DRC3: variants seen among roughly 807,000 people sequenced by gnomAD.
DRC3 encodes dynein regulatory complex subunit 3.
A neutral mutation model predicts 57.6 loss-of-function variants in DRC3; 45 were observed. That is an observed-to-expected ratio of 0.78 (90% confidence interval 0.62 to 1.00). The LOEUF (loss-of-function observed/expected upper bound fraction) is 1.00. DRC3 is among the 50% of genes least tolerant of loss of function. The pLI is 0.00. For missense variants in DRC3, 655 were observed against 675.2 expected (o/e 0.97, Z 0.33); for synonymous variants, 257 against 272.3 (o/e 0.94, Z 0.55).
chr17:17,994,246 G>C lies in DRC3; in HGVS notation c.592-53G>C, dbSNP rs956707988. 5.2e-6 allele frequency: 8 copies of C among 1,540,188 alleles called. No individual in the cohort carries two copies. In the African/African-American group the frequency reaches 6.9e-5, roughly 13 times the overall value. ...ATGGCAGAGGCGGCATGGCAGAGGC[G>C]GTGTGGCTCGGAGGAACCTCTGGTA... On this transcript the variant is annotated intron_variant, in intron 6 of 13. Transcript: ENST00000399187.
intron 2 of DRC3, among the ~76,000 whole-genome samples, chr17:17,975,574 A>G (rs2042348739): frequency 6.7e-6 from 1 of 149,790 alleles, no homozygotes; most frequent in Non-Finnish European, 1.5e-5. Flanking sequence ...AATATAACAC[A>G]TTAAAATTCC....
chr17:18,016,847 G>A lies in DRC3; in HGVS notation c.*176G>A. 1 of 475,226 alleles carries A rather than the reference G, an allele frequency of 2.1e-6. No individual in the cohort carries two copies. The allele number at this position is 475,226 out of a possible 1,614,324, so 29.4% of individuals were successfully genotyped here. ...ACTTCCAAAAGTAGAGAAAATAAAGGACTCATTTCACATTTCCCCTACTCA... is the reference window on the plus strand; with the variant it reads ...ACTTCCAAAAGTAGAGAAAATAAAGAACTCATTTCACATTTCCCCTACTCA... On this transcript the variant is annotated 3_prime_UTR_variant, in exon 14 of 14. Transcript: ENST00000399187.
intron 4 of DRC3, among the ~76,000 whole-genome samples, chr17:17,987,609 C>T (rs1347167841): frequency 6.6e-6 from 1 of 152,162 alleles, no homozygotes; most frequent in African/African-American, 2.4e-5. Flanking sequence ...TACCCCGACC[C>T]CCAAGGGCAC....
At chr17:18,007,382 T>C in intron 12 of DRC3, 1 of 1,551,320 alleles carries the variant, frequency 6.4e-7, no homozygotes, top group Non-Finnish European at 8.7e-7. Context: ...ATTAGATGGT[T>C]TCAACTTTCC....
At chr17:17,979,153 A>T (rs896741906) in intron 3 of DRC3, among the ~76,000 whole-genome samples, 2 of 152,192 alleles carry the variant, frequency 1.3e-5, no homozygotes, top group Non-Finnish European at 2.9e-5. Flanking sequence ...GTGCAGATCC[A>T]CCAGGGAAAG....
Position 17,988,023 on chromosome 17 carries a change from G to C in DRC3, c.369G>C (p.Lys123Asn), listed in dbSNP as rs763028039. ...DLSLFNNRIS[K>N]IDSLDALVKL... The stretch of plus-strand genomic sequence containing the variant: ...GCTTGTTCAACAACCGGATCTCCAA[G>C]ATCGACTCCCTGGACGCCCTCGTCA... Residue 123 changes from lysine (K) to asparagine (N), a missense_variant, in exon 5 of 14, where the codon AAG becomes AAC. Physicochemically the swap from Lys to Asn is moderately conservative, Grantham distance 94. Coordinates refer to ENST00000399187, the MANE Select transcript of DRC3 (RefSeq NM_031294.4). 8.7e-6 allele frequency: 14 copies of C among 1,614,050 alleles called. No individual in the cohort carries two copies. The African/African-American group carries it at 1.3e-4, about 15-fold the overall frequency.
intron 9 of DRC3, among the ~76,000 whole-genome samples, chr17:18,003,118 A>AGAT (rs1157113744): frequency 6.6e-6 from 1 of 152,156 alleles, no homozygotes; most frequent in Middle Eastern, 3.2e-3. Context: ...GTGACAAGGC[A>AGAT]GATGAGCGTT....
intron 5 of DRC3, chr17:17,988,636 T>G (rs1245930712): frequency 2.0e-5 from 3 of 153,196 alleles, no homozygotes; most frequent in African/African-American, 7.2e-5. Flanking sequence ...TGTCGTCCTG[T>G]GTCAGAGGCG....
chr17:18,006,475 C>G (rs1443362534), intron 11 of DRC3: 3 of 578,310 alleles, frequency 5.2e-6, no homozygotes, highest in Non-Finnish European at 9.3e-6. Context: ...GAGTGATGTT[C>G]ACTAGGAAAT....
At chr17:18,000,738 C>T (rs1016161920) in intron 9 of DRC3, among the ~76,000 whole-genome samples, 3 of 152,156 alleles carry the variant, frequency 2.0e-5, no homozygotes, top group African/African-American at 7.2e-5. Flanking sequence ...CCAATCTGTG[C>T]ACCCTGAGTA....
At chr17:17,977,450 C>T (rs1366939150) in intron 2 of DRC3, 132 bp from the exon 3 acceptor site, 1 of 1,077,898 alleles carries the variant, frequency 9.3e-7, no homozygotes, top group Non-Finnish European at 1.4e-6. Flanking sequence ...ATGCAGCAGA[C>T]CCAGGGCTGG....
intron 12 of DRC3, 63 bp downstream of exon 12, chr17:18,007,210 T>C: frequency 2.5e-4 from 3 of 11,862 alleles, no homozygotes; most frequent in Non-Finnish European, 3.8e-4. Flanking sequence ...GTGGCTGGAC[T>C]GAGGCTCTGT....
At position 17,987,980 on chromosome 17, in the gene DRC3, T is replaced by G; in HGVS notation, c.326T>G (p.Val109Gly). Reference sequence around the variant, plus strand: ...ACCATCGAGGGGCTGGACACACTGGTGAACCTGGAGGACCTGAGCTTGTTC... The same window carrying G: ...ACCATCGAGGGGCTGGACACACTGGGGAACCTGGAGGACCTGAGCTTGTTC... ...IETIEGLDTLVNLEDLSLFNN... is the reference protein window; with the variant it reads ...IETIEGLDTLGNLEDLSLFNN... The change falls in exon 5 of 14, where the codon GTG (valine) becomes GGG (glycine). Residue 109 changes from valine to glycine, a missense_variant. Transcript: ENST00000399187. 6.2e-7 allele frequency: 1 copy of G among 1,614,030 alleles called. No homozygotes were observed. The highest frequency in any genetic ancestry group is 1.1e-5 in the South Asian group (1 of 91,090).
rs1296277000 is a variant in DRC3 at position 17,994,477 on chromosome 17, G to C, written c.711+59G>C. ...CCTCAGATGCCCACAAGAGGGCACTGATCAAGTAAAACGGTCCTCAGGGAT... is the reference window on the plus strand; with the variant it reads ...CCTCAGATGCCCACAAGAGGGCACTCATCAAGTAAAACGGTCCTCAGGGAT... On this transcript the variant is annotated intron_variant, in intron 7 of 13. Coordinates refer to ENST00000399187, the MANE Select transcript of DRC3 (RefSeq NM_031294.4). The C allele has an allele frequency of 3.9e-6, 6 of 1,537,636 alleles. No individual in the cohort carries two copies. The Admixed American group carries it at 1.0e-4, about 26-fold the overall frequency.
At chr17:18,013,003 T>A (rs2044221636) in intron 12 of DRC3, among the ~76,000 whole-genome samples, 1 of 152,156 alleles carries the variant, frequency 6.6e-6, no homozygotes, top group Non-Finnish European at 1.5e-5. Context: ...TCTGAACAGA[T>A]GTTTCTCAAA....
At chr17:18,003,940 T>G (rs1246091855) in intron 9 of DRC3, among the ~76,000 whole-genome samples, 5 of 151,930 alleles carry the variant, frequency 3.3e-5, no homozygotes, top group African/African-American at 7.3e-5. Flanking sequence ...CATAAGCCAC[T>G]GCTCCCGGCC....
intron 4 of DRC3, among the ~76,000 whole-genome samples, 188 bp downstream of exon 4, chr17:17,984,132 T>A (rs993961474): frequency 6.6e-6 from 1 of 152,218 alleles, no homozygotes; most frequent in Admixed American, 6.5e-5. Context: ...GGGCTTGTGC[T>A]GGGCAAAGTG....
At chr17:18,010,792 G>A (rs1201555167) in intron 12 of DRC3, 4 of 310,206 alleles carry the variant, frequency 1.3e-5, no homozygotes, top group Non-Finnish European at 2.5e-5. Flanking sequence ...CAAGGTCCAG[G>A]CAAAGGAGTG....
At chr17:18,006,683 C>A (rs1161434143) in intron 11 of DRC3, 2 of 373,164 alleles carry the variant, frequency 5.4e-6, no homozygotes, top group Middle Eastern at 8.0e-4. Context: ...GCCCTGTGGT[C>A]CTGCCCTCCT....
Sources: allele counts gnomAD v4.1 joint callset (sites outside exome capture counted in the v4.1 genomes callset), GRCh38; gene constraint gnomAD v4.1.1; transcripts MANE v1.5; gene names NCBI Gene and HGNC (gene_info 2026-07-23, HGNC 2026-07-21).